KCNJ6: variants seen among roughly 807,000 people sequenced by gnomAD.
The protein encoded by KCNJ6 is G protein-activated inward rectifier potassium channel 2.
Under a neutral mutation model 34.2 loss-of-function variants are expected in KCNJ6, and 9 were observed. The observed-to-expected ratio is 0.26, with a 90% CI of 0.16 to 0.46. KCNJ6 has a LOEUF of 0.46. KCNJ6 is among the 20% of genes least tolerant of loss of function. The probability of loss-of-function intolerance (pLI) is 1.00; values close to 1 mark genes in which losing one functional copy is unlikely to be tolerated. For synonymous variants in KCNJ6, 196 were observed against 207.1 expected, an observed-to-expected ratio of 0.95 and a Z score of 0.46; for missense variants, 236 against 531.3, an observed-to-expected ratio of 0.44 and a Z score of 5.46.
chr21:37,894,416 G>A (rs554802226), intron 1 of KCNJ6, among the ~76,000 whole-genome samples: 1 of 152,336 alleles, frequency 6.6e-6, no homozygotes, highest in East Asian at 1.9e-4. Flanking sequence ...TGTAATCCCA[G>A]CACTTTGGGA....
intron 2 of KCNJ6, among the ~76,000 whole-genome samples, chr21:37,818,571 T>C (rs2055358861): frequency 6.6e-6 from 1 of 152,180 alleles, no homozygotes; most frequent in Admixed American, 6.5e-5. Context: ...GTCTCTATAG[T>C]AACCTACGAT....
chr21:37,723,485 C>T (rs2054837347), intron 2 of KCNJ6, among the ~76,000 whole-genome samples: 1 of 152,172 alleles, frequency 6.6e-6, no homozygotes, highest in South Asian at 2.1e-4. Context: ...TTCATCGCAG[C>T]ATTATTCACA....
chr21:37,830,308 G>A (rs2055419507), intron 2 of KCNJ6, among the ~76,000 whole-genome samples: 1 of 152,140 alleles, frequency 6.6e-6, no homozygotes, highest in Non-Finnish European at 1.5e-5. Context: ...GGCCTAGGGA[G>A]GGTCTGAGAC....
chr21:37,801,038 G>A (rs1334074803), intron 2 of KCNJ6, among the ~76,000 whole-genome samples: 1 of 152,164 alleles, frequency 6.6e-6, no homozygotes, highest in Non-Finnish European at 1.5e-5. Context: ...CCAGTTCATA[G>A]GGAGTATCCT....
At chr21:37,832,468 T>C (rs1454487966) in intron 2 of KCNJ6, among the ~76,000 whole-genome samples, 2 of 152,154 alleles carry the variant, frequency 1.3e-5, no homozygotes, top group Non-Finnish European at 2.9e-5. Context: ...GATTCTCCCA[T>C]TGTCAGGAAC....
intron 2 of KCNJ6, among the ~76,000 whole-genome samples, chr21:37,729,046 T>A (rs2054870302): frequency 1.3e-5 from 2 of 152,136 alleles, no homozygotes; most frequent in Non-Finnish European, 2.9e-5. Flanking sequence ...CCAGAAAGTT[T>A]GAAGTCATAG....
chr21:37,824,766 C>T (rs981000824), intron 2 of KCNJ6, among the ~76,000 whole-genome samples: 6 of 152,086 alleles, frequency 3.9e-5, no homozygotes, highest in African/African-American at 1.2e-4. Context: ...TGAGGGAGGT[C>T]GCCTAGCCAT....
chr21:37,700,576 G>A (rs367642171), intron 3 of KCNJ6, among the ~76,000 whole-genome samples: 7 of 152,136 alleles, frequency 4.6e-5, no homozygotes, highest in East Asian at 3.9e-4. Context: ...TTGCAAAAAC[G>A]AGAGACTACA....
intron 1 of KCNJ6, among the ~76,000 whole-genome samples, chr21:37,892,837 A>G (rs1011574007): frequency 3.3e-5 from 5 of 151,150 alleles, no homozygotes; most frequent in Admixed American, 3.3e-4. Context: ...CTTTGTCCCC[A>G]TATGGCTTCT....
chr21:37,772,795 A>T (rs2055123547), intron 2 of KCNJ6, among the ~76,000 whole-genome samples: 1 of 152,176 alleles, frequency 6.6e-6, no homozygotes, highest in Non-Finnish European at 1.5e-5. Flanking sequence ...AGTACATGTA[A>T]AACCTAAATA....
intron 2 of KCNJ6, among the ~76,000 whole-genome samples, chr21:37,754,851 G>T (rs2055015774): frequency 6.6e-6 from 1 of 152,308 alleles, no homozygotes; most frequent in East Asian, 1.9e-4. Flanking sequence ...CCTTTTGGGG[G>T]CTGTTCCTAG....
At chr21:37,776,157 T>C (rs962824865) in intron 2 of KCNJ6, among the ~76,000 whole-genome samples, 6 of 152,116 alleles carry the variant, frequency 3.9e-5, no homozygotes, top group African/African-American at 1.4e-4. Context: ...CTGTCTGTTA[T>C]TGGTGTATAA....
intron 3 of KCNJ6, among the ~76,000 whole-genome samples, chr21:37,678,636 G>A (rs889208922): frequency 3.9e-5 from 6 of 152,190 alleles, no homozygotes; most frequent in Admixed American, 1.3e-4. Flanking sequence ...GTATGGGTGG[G>A]TGGATGGATG....
intron 3 of KCNJ6, among the ~76,000 whole-genome samples, chr21:37,634,338 T>C (rs1234662658): frequency 6.6e-6 from 1 of 152,162 alleles, no homozygotes; most frequent in African/African-American, 2.4e-5. Context: ...GTGAGCGTCA[T>C]GCACCTGCTC....
At chr21:37,731,107 G>GTT (rs1416894908) in intron 2 of KCNJ6, among the ~76,000 whole-genome samples, 3 of 120,346 alleles carry the variant, frequency 2.5e-5, no homozygotes, top group African/African-American at 9.6e-5. Flanking sequence ...AGAAGTGTGT[G>GTT]TGTGTGTGTG....
chr21:37,664,950 C>T (rs749392238), intron 3 of KCNJ6, among the ~76,000 whole-genome samples: 23 of 152,040 alleles, frequency 1.5e-4, no homozygotes, highest in East Asian at 3.9e-4. Context: ...TGCCTGCCAC[C>T]GCGCCCGGCT....
At chr21:37,874,779 G>T (rs2123616463) in intron 1 of KCNJ6, among the ~76,000 whole-genome samples, 1 of 152,154 alleles carries the variant, frequency 6.6e-6, no homozygotes, top group African/African-American at 2.4e-5. Context: ...CCTTTTCTGT[G>T]ACAGTTCACA....
chr21:37,915,544 T>C (rs2055889188), intron 1 of KCNJ6, among the ~76,000 whole-genome samples: 1 of 152,238 alleles, frequency 6.6e-6, no homozygotes, highest in Non-Finnish European at 1.5e-5. Context: ...ACCTGTCAGT[T>C]AATCAGTGCA....
At chr21:37,817,905 CA>C (rs2055354261) in intron 2 of KCNJ6, among the ~76,000 whole-genome samples, 1 of 152,150 alleles carries the variant, frequency 6.6e-6, no homozygotes, top group African/African-American at 2.4e-5. Context: ...GTCTGAATAT[CA>C]TTAACAGTTT....
Sources: gnomAD v4.1 joint callset for allele counts (sites outside exome capture counted in the v4.1 genomes callset) on GRCh38, gnomAD v4.1.1 for gene constraint, MANE v1.5 for transcripts, NCBI Gene and HGNC (gene_info 2026-07-23, HGNC 2026-07-21) for gene names.